Variants in CCDC170 observed in about 807,000 individuals in gnomAD.
The protein encoded by CCDC170 is coiled-coil domain-containing protein 170.
CCDC170 carries 69 observed loss-of-function variants against 72.6 expected under a neutral mutation model. That is an observed-to-expected ratio of 0.95 (90% confidence interval 0.78 to 1.16). The LOEUF (loss-of-function observed/expected upper bound fraction) is 1.16. Among genes scored for constraint, CCDC170 ranks in the 50% most tolerant of loss-of-function variants. The pLI is 0.00. For synonymous variants in CCDC170, 300 were observed against 303.9 expected, an observed-to-expected ratio of 0.99 and a Z score of 0.13; for missense variants, 852 against 832.5, an observed-to-expected ratio of 1.02 and a Z score of -0.29.
chr6:151,496,187 A>T (rs538414130), intron 1 of CCDC170, among the ~76,000 whole-genome samples: 14 of 152,316 alleles, frequency 9.2e-5, no homozygotes, highest in Non-Finnish European at 1.6e-4. Context: ...TAGGAATAAC[A>T]TAAGAGATGT....
chr6:151,617,952 A>G lies in CCDC170; in HGVS notation c.1953A>G (p.Ala651=), dbSNP rs1776995601. 1.2e-6 allele frequency: 2 copies of G among 1,612,022 alleles called. No homozygotes were observed. The highest frequency in any genetic ancestry group is 1.7e-6 in the Non-Finnish European group (2 of 1,178,404). ...GTTTCTGTTTGATATTGCAGCTGGC[A>G]GACTTCAGGGAGGTGGTGTCGCAGA... ...EEAEKREKQL[A]DFREVVSQML... is the part of the protein sequence containing the mutation. The change falls in exon 11 of 11, where the codon GCA becomes GCG. Residue 651 remains alanine, a synonymous_variant. Transcript: ENST00000239374.
chr6:151,563,662 C>T (rs954433212), intron 5 of CCDC170, among the ~76,000 whole-genome samples: 14 of 152,092 alleles, frequency 9.2e-5, no homozygotes, highest in Non-Finnish European at 1.8e-4. Flanking sequence ...AGTGTGGGCA[C>T]GTCTGTGTGA....
At chr6:151,578,290 T>G (rs1335418874) in intron 6 of CCDC170, among the ~76,000 whole-genome samples, 1 of 152,112 alleles carries the variant, frequency 6.6e-6, no homozygotes, top group Non-Finnish European at 1.5e-5. Context: ...TGCCTCACAG[T>G]TCTGGAGATG....
chr6:151,576,257 C>A (rs1295487874), intron 6 of CCDC170, among the ~76,000 whole-genome samples: 1 of 152,142 alleles, frequency 6.6e-6, no homozygotes, highest in Non-Finnish European at 1.5e-5. Flanking sequence ...GTGTTCTGAG[C>A]ACTTTTAAGG....
In CCDC170 at chr6:151,530,402, A is replaced by G. The variant is rs572966643; in HGVS notation, c.58-5916A>G. Among the ~76,000 whole-genome samples, 93 of 150,620 alleles carry G rather than the reference A, an allele frequency of 6.2e-4. 2 individuals carry two copies. In the South Asian group the frequency reaches 0.019, roughly 31 times the overall value. Reference sequence around the variant, plus strand: ...CAGTGTATTAGCATGTCTTTCTTATAGAACTATCTTTTCATATGATTAATA... The same window carrying G: ...CAGTGTATTAGCATGTCTTTCTTATGGAACTATCTTTTCATATGATTAATA... On this transcript the variant is annotated intron_variant, in intron 1 of 10. Coordinates refer to ENST00000239374, the MANE Select transcript of CCDC170 (RefSeq NM_025059.4).
intron 5 of CCDC170, among the ~76,000 whole-genome samples, chr6:151,552,282 T>A (rs932722041): frequency 6.7e-6 from 1 of 148,426 alleles, no homozygotes; most frequent in Non-Finnish European, 1.5e-5. Context: ...TGACGATAAG[T>A]TTGACTACGA....
At chr6:151,594,326 AT>A (rs1281671918) in intron 8 of CCDC170, among the ~76,000 whole-genome samples, 1 of 152,160 alleles carries the variant, frequency 6.6e-6, no homozygotes, top group Non-Finnish European at 1.5e-5. Context: ...CATATTTAAG[AT>A]GGGGATGCTA....
chr6:151,578,367 C>A (rs1776333186), intron 6 of CCDC170, among the ~76,000 whole-genome samples: 1 of 152,158 alleles, frequency 6.6e-6, no homozygotes, highest in African/African-American at 2.4e-5. Context: ...GAGTCTGTCC[C>A]ATGCCTCACT....
intron 2 of CCDC170, among the ~76,000 whole-genome samples, chr6:151,537,151 C>T (rs891175717): frequency 6.6e-6 from 1 of 152,120 alleles, no homozygotes; most frequent in Non-Finnish European, 1.5e-5. Flanking sequence ...TTCCAACTGG[C>T]TGGGGAAATT....
intron 5 of CCDC170, among the ~76,000 whole-genome samples, chr6:151,565,689 C>G (rs146425025): frequency 6.6e-6 from 1 of 152,328 alleles, no homozygotes; most frequent in East Asian, 1.9e-4. Flanking sequence ...TTGAGAACTT[C>G]TAATGTCCCC....
At chr6:151,612,175 C>T (rs937084875) in intron 9 of CCDC170, among the ~76,000 whole-genome samples, 12 of 152,286 alleles carry the variant, frequency 7.9e-5, no homozygotes, top group Middle Eastern at 3.4e-3. Context: ...AGAACAGTTG[C>T]TCCCATTCCT....
At chr6:151,615,020 T>C (rs1776935195) in intron 9 of CCDC170, among the ~76,000 whole-genome samples, 1 of 152,196 alleles carries the variant, frequency 6.6e-6, no homozygotes, top group South Asian at 2.1e-4. Context: ...GGTGGGGCTC[T>C]CATGGGATAC....
chr6:151,582,244 T>A (rs1171111940), intron 6 of CCDC170, among the ~76,000 whole-genome samples: 1 of 152,252 alleles, frequency 6.6e-6, no homozygotes, highest in Non-Finnish European at 1.5e-5. Context: ...TCATCAATGA[T>A]CTTAGCTAGA....
At chr6:151,503,651 C>T (rs1483535845) in intron 1 of CCDC170, among the ~76,000 whole-genome samples, 1 of 151,880 alleles carries the variant, frequency 6.6e-6, no homozygotes, top group African/African-American at 2.4e-5. Flanking sequence ...TGGGGTTTCA[C>T]CATGTCGTCC....
At chr6:151,525,058 T>A (rs1275703313) in intron 1 of CCDC170, among the ~76,000 whole-genome samples, 6 of 149,658 alleles carry the variant, frequency 4.0e-5, no homozygotes, top group Admixed American at 3.4e-4. Flanking sequence ...TCAGCCTCCC[T>A]AGTGGCTGGG....
At chr6:151,565,586 T>G (rs1273793163) in intron 5 of CCDC170, among the ~76,000 whole-genome samples, 1 of 152,218 alleles carries the variant, frequency 6.6e-6, no homozygotes, top group African/African-American at 2.4e-5. Context: ...TGCTGATCTA[T>G]TCAAACTGTG....
rs564993590 is a variant in CCDC170 at position 151,591,125 on chromosome 6, C to T, written c.1294-1982C>T. On this transcript the variant is annotated intron_variant, in intron 7 of 10. Coordinates refer to ENST00000239374, the MANE Select transcript of CCDC170 (RefSeq NM_025059.4). ...ATATACACTTATAAATAATTTCATC[C>T]TGATAATTAAAACATAGCTAGTTCT... Among the ~76,000 whole-genome samples the T allele has an allele frequency of 1.3e-4, 20 of 152,214 alleles. No homozygotes were observed. In the South Asian group the frequency reaches 3.3e-3, roughly 25 times the overall value.
At position 151,593,126 on chromosome 6, in the gene CCDC170, A is replaced by G; in HGVS notation, c.1313A>G (p.Gln438Arg). 1 of 1,614,184 alleles carries G rather than the reference A, an allele frequency of 6.2e-7. No individual in the cohort carries two copies. The highest frequency in any genetic ancestry group is 1.3e-5 in the African/African-American group (1 of 75,054). ...EKQKYLKFLDQLSQKMKLDQM... is the reference protein window; with the variant it reads ...EKQKYLKFLDRLSQKMKLDQM... Reference sequence around the variant, plus strand: ...GTTTAGTATCTTAAATTTCTGGATCAGCTTTCTCAGAAAATGAAGTTGGAC... The same window carrying G: ...GTTTAGTATCTTAAATTTCTGGATCGGCTTTCTCAGAAAATGAAGTTGGAC... Residue 438 changes from glutamine to arginine, a missense_variant, in exon 8 of 11, where the codon CAG (glutamine) becomes CGG (arginine). Physicochemically the swap from Gln to Arg is conservative, Grantham distance 43. Coordinates refer to ENST00000239374, the MANE Select transcript of CCDC170 (RefSeq NM_025059.4).
chr6:151,572,923 A>G (rs1240606980), intron 5 of CCDC170, among the ~76,000 whole-genome samples: 1 of 151,900 alleles, frequency 6.6e-6, no homozygotes, highest in East Asian at 1.9e-4. Context: ...AAATGCTGGG[A>G]TTACAGGTGT....
Sources: gnomAD v4.1 joint callset for allele counts (sites outside exome capture counted in the v4.1 genomes callset) on GRCh38, gnomAD v4.1.1 for gene constraint, MANE v1.5 for transcripts, NCBI Gene and HGNC (gene_info 2026-07-23, HGNC 2026-07-21) for gene names.